CADM2: variants seen among roughly 807,000 people sequenced by gnomAD.
The protein encoded by CADM2 is immunoglobulin superfamily member 4D.
A neutral mutation model predicts 49.8 loss-of-function variants in CADM2; 12 were observed. The observed-to-expected ratio is 0.24, with a 90% CI of 0.15 to 0.39. CADM2 has a LOEUF of 0.39. Ranked by LOEUF, CADM2 falls within the 10% of genes least tolerant of loss-of-function variation. CADM2 has a pLI of 1.00. For missense variants in CADM2, 378 were observed against 492.3 expected, an observed-to-expected ratio of 0.77 and a Z score of 2.20; for synonymous variants, 214 against 175.4, an observed-to-expected ratio of 1.22 and a Z score of -1.74.
At chr3:85,609,062 A>G (rs894989629) in intron 1 of CADM2, among the ~76,000 whole-genome samples, 9 of 151,966 alleles carry the variant, frequency 5.9e-5, no homozygotes, top group Non-Finnish European at 1.0e-4. Flanking sequence ...GGTTTCCTCC[A>G]TGTTTTTTCA....
At chr3:85,038,051 T>G (rs2035293727) in intron 1 of CADM2, among the ~76,000 whole-genome samples, 1 of 152,176 alleles carries the variant, frequency 6.6e-6, no homozygotes, top group Admixed American at 6.5e-5. Flanking sequence ...ATAAGCAAAG[T>G]AAAAATACCA....
intron 1 of CADM2, among the ~76,000 whole-genome samples, chr3:85,156,509 G>T (rs1471951774): frequency 6.6e-6 from 1 of 151,998 alleles, no homozygotes; most frequent in Non-Finnish European, 1.5e-5. Context: ...AAAGAGTCCA[G>T]GACCAGATGG....
intron 1 of CADM2, among the ~76,000 whole-genome samples, chr3:85,498,570 C>T (rs530575236): frequency 6.4e-4 from 98 of 152,142 alleles, no homozygotes; most frequent in African/African-American, 2.2e-3. Flanking sequence ...GGTTGAAAAC[C>T]GATGTCTGAT....
intron 3 of CADM2, among the ~76,000 whole-genome samples, chr3:85,819,384 C>T (rs1000806774): frequency 6.6e-6 from 1 of 152,088 alleles, no homozygotes; most frequent in African/African-American, 2.4e-5. Flanking sequence ...ATCCTTCAAT[C>T]CAATCAGGTT....
At chr3:85,378,118 T>A (rs2033698648) in intron 1 of CADM2, among the ~76,000 whole-genome samples, 1 of 152,052 alleles carries the variant, frequency 6.6e-6, no homozygotes. Flanking sequence ...AAAATTTAAA[T>A]TGGAAAAATC....
At chr3:85,265,309 G>A (rs147525168) in intron 1 of CADM2, among the ~76,000 whole-genome samples, 20 of 149,464 alleles carry the variant, frequency 1.3e-4, no homozygotes, top group African/African-American at 5.0e-4. Flanking sequence ...ATTTTTTTTT[G>A]TGTTAGTATT....
At chr3:85,510,562 T>A (rs927712957) in intron 1 of CADM2, among the ~76,000 whole-genome samples, 2 of 152,082 alleles carry the variant, frequency 1.3e-5, no homozygotes, top group Admixed American at 6.6e-5. Flanking sequence ...TTAATTTTTT[T>A]AATTTTAATG....
chr3:86,053,328 G>A (rs1737548316), intron 8 of CADM2, among the ~76,000 whole-genome samples: 1 of 152,060 alleles, frequency 6.6e-6, no homozygotes, highest in Non-Finnish European at 1.5e-5. Flanking sequence ...TACCTTTTGG[G>A]TCTAAATGCA....
intron 1 of CADM2, among the ~76,000 whole-genome samples, chr3:85,246,479 A>G (rs567679077): frequency 1.1e-4 from 16 of 152,112 alleles, no homozygotes; most frequent in Non-Finnish European, 1.8e-4. Context: ...TAATTCATTT[A>G]TTGTCATTGG....
chr3:85,246,310 G>T (rs984726108), intron 1 of CADM2, among the ~76,000 whole-genome samples: 1 of 151,960 alleles, frequency 6.6e-6, no homozygotes, highest in African/African-American at 2.4e-5. Flanking sequence ...GTGGGGGAAG[G>T]GGGTAGGGAA....
intron 1 of CADM2, among the ~76,000 whole-genome samples, chr3:85,463,592 T>C (rs1210110416): frequency 6.6e-6 from 1 of 152,162 alleles, no homozygotes; most frequent in Non-Finnish European, 1.5e-5. Context: ...TCAAAATGTA[T>C]ATTAATAAAT....
chr3:85,388,984 C>T (rs530672598), intron 1 of CADM2, among the ~76,000 whole-genome samples: 32 of 152,094 alleles, frequency 2.1e-4, no homozygotes, highest in Non-Finnish European at 3.4e-4. Flanking sequence ...ATGGAAATTC[C>T]GAAATCCTCT....
At chr3:85,911,921 ATTTTT>A (rs34682818) in intron 5 of CADM2, among the ~76,000 whole-genome samples, 2 of 150,538 alleles carry the variant, frequency 1.3e-5, no homozygotes, top group Admixed American at 1.3e-4. Flanking sequence ...GAATTTTTTA[ATTTTT>A]TTTATTATTT....
At chr3:85,160,395 A>G (rs2040283521) in intron 1 of CADM2, among the ~76,000 whole-genome samples, 1 of 152,158 alleles carries the variant, frequency 6.6e-6, no homozygotes, top group Admixed American at 6.5e-5. Flanking sequence ...CCAGTTTCTT[A>G]TTGGAAATAG....
At chr3:85,542,608 G>T (rs1368850989) in intron 1 of CADM2, among the ~76,000 whole-genome samples, 1 of 152,154 alleles carries the variant, frequency 6.6e-6, no homozygotes, top group Non-Finnish European at 1.5e-5. Context: ...AATAGCCTAT[G>T]CCCTAGCTCT....
At position 85,321,153 on chromosome 3, in the gene CADM2, T is replaced by A. The variant is rs1334461638; in HGVS notation, c.61+361485T>A. 4.2e-3 allele frequency among the ~76,000 whole-genome samples: 236 copies of A among 56,290 alleles called. 16 individuals are homozygous for A. Among genetic ancestry groups the A allele is most frequent in the East Asian group, 0.016 (27 of 1,710 alleles). 36.9% of individuals were successfully genotyped at this position (56,290 alleles called of 152,430 possible). ...TTTTTTTTTTTTTTTTTTTTTTTTT[T>A]TTTTTTTTTTTTTGCGAGAGAGAGA... On this transcript the variant is annotated intron_variant, in intron 1 of 9. Coordinates refer to ENST00000383699, the MANE Select transcript of CADM2 (RefSeq NM_001167675.2).
chr3:85,793,626 A>C (rs915051530), intron 2 of CADM2, among the ~76,000 whole-genome samples: 2 of 152,166 alleles, frequency 1.3e-5, no homozygotes, highest in Non-Finnish European at 2.9e-5. Context: ...ACTGAGCATG[A>C]ATTGAGACGA....
chr3:85,122,711 A>G lies in CADM2; in HGVS notation c.61+163043A>G, dbSNP rs6795348. ...ACTTTGAATTTTTGCAGCCACCTCA[A>G]ACAAACTTTCACCTCTTTTCCTCAA... On this transcript the variant is annotated intron_variant, in intron 1 of 9. Coordinates refer to ENST00000383699, the MANE Select transcript of CADM2 (RefSeq NM_001167675.2). Among the ~76,000 whole-genome samples, 728 of 152,150 alleles carry G rather than the reference A, an allele frequency of 4.8e-3. 6 individuals carry two copies. Among genetic ancestry groups the G allele is most frequent in the African/African-American group, 0.017 (704 of 41,526 alleles).
intron 2 of CADM2, among the ~76,000 whole-genome samples, chr3:85,738,880 A>G (rs544458220): frequency 3.9e-5 from 6 of 152,188 alleles, no homozygotes; most frequent in African/African-American, 1.4e-4. Flanking sequence ...TTATTCATCT[A>G]TTCATTACCC....
Sources: allele counts gnomAD v4.1 joint callset (sites outside exome capture counted in the v4.1 genomes callset), GRCh38; gene constraint gnomAD v4.1.1; transcripts MANE v1.5; gene names NCBI Gene and HGNC (gene_info 2026-07-23, HGNC 2026-07-21).